HCRTR2: variants seen among roughly 807,000 people sequenced by gnomAD.
HCRTR2 encodes hypocretin receptor 2.
In HCRTR2, 22 loss-of-function variants were observed where a neutral mutation model predicts 49.0. That is an observed-to-expected ratio of 0.45 (90% CI 0.32 to 0.64). The LOEUF is 0.64. HCRTR2 is among the 30% of genes least tolerant of loss of function. The pLI is 0.04. For synonymous variants in HCRTR2, 236 were observed against 205.3 expected, an observed-to-expected ratio of 1.15 and a Z score of -1.28; for missense variants, 491 against 559.4, an observed-to-expected ratio of 0.88 and a Z score of 1.23.
chr6:55,187,411 C>CAA (rs57619664), intron 1 of HCRTR2, among the ~76,000 whole-genome samples: 1 of 98,426 alleles, frequency 1.0e-5, no homozygotes, highest in African/African-American at 3.8e-5. Flanking sequence ...GACTCCGTCT[C>CAA]AAAAAAAAAA....
At chr6:55,125,031 A>G (rs59154151) in intron 1 of HCRTR2, among the ~76,000 whole-genome samples, 5,596 of 151,864 alleles carry the variant, frequency 0.037, 341 homozygotes, top group African/African-American at 0.13. Context: ...GGGTCTCCTG[A>G]ATACAGCACA....
At chr6:55,250,688 T>G (rs1031681678) in intron 2 of HCRTR2, among the ~76,000 whole-genome samples, 4 of 152,158 alleles carry the variant, frequency 2.6e-5, no homozygotes, top group African/African-American at 9.6e-5. Flanking sequence ...CAGTGAGTGA[T>G]GCAGAGCATG....
chr6:55,214,598 C>T (rs1765755787), intron 1 of HCRTR2, among the ~76,000 whole-genome samples: 1 of 151,966 alleles, frequency 6.6e-6, no homozygotes, highest in Non-Finnish European at 1.5e-5. Context: ...GACTCAGCCT[C>T]CCAAATCATT....
intron 1 of HCRTR2, among the ~76,000 whole-genome samples, chr6:55,175,036 G>C (rs1469695089): frequency 5.3e-5 from 8 of 152,140 alleles, no homozygotes; most frequent in Non-Finnish European, 8.8e-5. Context: ...GGAATAACGG[G>C]GAAACCGCGT....
chr6:55,143,005 TAGACAGAC>T (rs66918440), intron 1 of HCRTR2, among the ~76,000 whole-genome samples: 25 of 149,518 alleles, frequency 1.7e-4, no homozygotes, highest in Admixed American at 1.1e-3. Flanking sequence ...GATAGATAGA[TAGACAGAC>T]AGACAGATAG....
chr6:55,120,958 G>A (rs972210718), intron 1 of HCRTR2, among the ~76,000 whole-genome samples: 2 of 152,034 alleles, frequency 1.3e-5, no homozygotes, highest in African/African-American at 4.8e-5. Flanking sequence ...GGCAATGTGG[G>A]CTCTTTTTTG....
chr6:55,141,428 G>A (rs192126678), intron 1 of HCRTR2, among the ~76,000 whole-genome samples: 2 of 152,242 alleles, frequency 1.3e-5, no homozygotes. Context: ...CCAGGAAAGA[G>A]AGGCAGATAC....
Position 55,168,446 on chromosome 6 carries a change from G to A in HCRTR2, c.-377-5765G>A, listed in dbSNP as rs185316027. On this transcript the variant is annotated intron_variant, in intron 1 of 7. Coordinates refer to the HCRTR2 transcript ENST00000615358. ...ACAGAATAGAGTAACAGCAAAAAGC[G>A]TATTTCTGGAATTGGACCCTGACAA... is the stretch of plus-strand genomic sequence containing the variant. Among the ~76,000 whole-genome samples the A allele has an allele frequency of 1.4e-3, 219 of 152,244 alleles. 1 individual carries two copies. The highest frequency in any genetic ancestry group is 0.01 in the Middle Eastern group (3 of 294).
At chr6:55,168,429 G>C (rs1395037486) in intron 1 of HCRTR2, among the ~76,000 whole-genome samples, 2 of 152,158 alleles carry the variant, frequency 1.3e-5, no homozygotes, top group Non-Finnish European at 2.9e-5. Context: ...AAACAGAATA[G>C]AGTAACAGCA....
intron 1 of HCRTR2, among the ~76,000 whole-genome samples, chr6:55,244,651 G>A (rs188413012): frequency 3.3e-5 from 5 of 152,098 alleles, no homozygotes; most frequent in African/African-American, 7.2e-5. Flanking sequence ...AACCTTGCAC[G>A]GGTGAGTGGG....
chr6:55,255,120 T>C lies in HCRTR2; in HGVS notation c.403-16T>C, dbSNP rs1459338329. Reference sequence around the variant, plus strand: ...AGCTGGTGCTTCTCTATTACTATGATCTTTCTTTTCTCTAGACCGTGTCGG... The same window carrying C: ...AGCTGGTGCTTCTCTATTACTATGACCTTTCTTTTCTCTAGACCGTGTCGG... On this transcript the variant is annotated splice_polypyrimidine_tract_variant and intron_variant, in intron 2 of 6. Transcript: ENST00000370862. The C allele has an allele frequency of 2.5e-6, 4 of 1,613,670 alleles. No homozygotes were observed. The highest frequency in any genetic ancestry group is 3.4e-6 in the Non-Finnish European group (4 of 1,179,812).
chr6:55,277,505 C>T lies in HCRTR2; in HGVS notation c.888C>T (p.Ile296=). 1.9e-6 allele frequency: 3 copies of T among 1,614,026 alleles called. No individual in the cohort carries two copies. Among genetic ancestry groups the T allele is most frequent in the Non-Finnish European group, 2.5e-6 (3 of 1,179,992 alleles). Residue 296 remains isoleucine, a synonymous_variant, in exon 5 of 7, where the codon ATC becomes ATT. Coordinates refer to ENST00000370862, the MANE Select transcript of HCRTR2 (RefSeq NM_001384272.1). The part of the protein sequence containing the change: ...MSAVAAEIKQ[I]RARRKTARML... The stretch of plus-strand genomic sequence containing the variant: ...CTGTGGCGGCTGAAATAAAGCAGAT[C>T]CGAGCCAGAAGGAAAACAGCCCGGA...
chr6:55,249,000 A>G (rs180843422), intron 2 of HCRTR2, among the ~76,000 whole-genome samples, 183 bp downstream of exon 2: 29 of 152,262 alleles, frequency 1.9e-4, no homozygotes, highest in African/African-American at 6.0e-4. Flanking sequence ...AAATTAAGCA[A>G]TGAACTGCCA....
intron 1 of HCRTR2, among the ~76,000 whole-genome samples, chr6:55,248,185 A>G (rs554775464): frequency 1.3e-5 from 2 of 152,268 alleles, no homozygotes; most frequent in South Asian, 2.1e-4. Flanking sequence ...TTAAAAAATT[A>G]TTTGTTAAAA....
chr6:55,151,513 G>T (rs1341191149), intron 1 of HCRTR2, among the ~76,000 whole-genome samples: 2 of 151,858 alleles, frequency 1.3e-5, no homozygotes, highest in Non-Finnish European at 2.9e-5. Flanking sequence ...ACATCTTCAG[G>T]CTCCACTTCT....
intron 1 of HCRTR2, among the ~76,000 whole-genome samples, chr6:55,212,468 G>A (rs1285448173): frequency 1.3e-5 from 2 of 152,106 alleles, no homozygotes; most frequent in African/African-American, 4.8e-5. Context: ...GCAAGTTTTA[G>A]CCAATAACGT....
At chr6:55,212,884 A>G (rs1266185863) in intron 1 of HCRTR2, among the ~76,000 whole-genome samples, 4 of 152,212 alleles carry the variant, frequency 2.6e-5, no homozygotes, top group Non-Finnish European at 5.9e-5. Context: ...AATTCCAACT[A>G]TGTAGACATC....
chr6:55,187,934 G>A (rs913731490), intron 1 of HCRTR2, among the ~76,000 whole-genome samples: 1 of 151,778 alleles, frequency 6.6e-6, no homozygotes, highest in Non-Finnish European at 1.5e-5. Flanking sequence ...ACGCCACCAT[G>A]CCCGGCTAAT....
chr6:55,196,512 C>G (rs1039071446), intron 1 of HCRTR2, among the ~76,000 whole-genome samples: 12 of 152,120 alleles, frequency 7.9e-5, no homozygotes, highest in Non-Finnish European at 1.8e-4. Context: ...GCATACAAGA[C>G]CAGCTTTCAG....
Sources: allele counts gnomAD v4.1 joint callset (sites outside exome capture counted in the v4.1 genomes callset), GRCh38; gene constraint gnomAD v4.1.1; transcripts MANE v1.5; gene names NCBI Gene and HGNC (gene_info 2026-07-23, HGNC 2026-07-21).